Variants in AIFM3 observed in about 807,000 individuals in gnomAD.
AIFM3 encodes apoptosis-inducing factor 3.
A neutral mutation model predicts 82.7 loss-of-function variants in AIFM3; 71 were observed. The ratio of observed to expected loss-of-function variants is 0.86; its 90% confidence interval spans 0.71 to 1.05. AIFM3 has a LOEUF of 1.05. Among genes scored for constraint, AIFM3 ranks in the 50% least tolerant of loss-of-function variants. The probability of loss-of-function intolerance (pLI) is 0.00; values close to 1 mark genes in which losing one functional copy is unlikely to be tolerated. For missense variants in AIFM3, 748 were observed against 816.7 expected (o/e 0.92, Z 1.03); for synonymous variants, 337 against 329.1 (o/e 1.02, Z -0.26).
chr22:20,980,881 G>A (rs1924066452), intron 20 of AIFM3, 111 bp from the exon 21 acceptor site: 2 of 1,607,748 alleles, frequency 1.2e-6, no homozygotes, highest in Non-Finnish European at 1.7e-6. Flanking sequence ...GGGCACTAGG[G>A]TCTGGCACAG....
intron 19 of AIFM3, chr22:20,980,545 C>A (rs1404448202): frequency 3.0e-6 from 2 of 671,186 alleles, no homozygotes; most frequent in Non-Finnish European, 5.3e-6. Context: ...CCAGCCAGTT[C>A]CCTTATCCTG....
intron 4 of AIFM3, 66 bp from the exon 5 acceptor site, chr22:20,973,997 G>A (rs567610697): frequency 3.0e-5 from 45 of 1,520,690 alleles, no homozygotes; most frequent in Admixed American, 1.6e-4. Flanking sequence ...CGCAGTTGCC[G>A]GGGCACTGAG....
intron 2 of AIFM3, among the ~76,000 whole-genome samples, chr22:20,971,978 G>GC (rs1293691274): frequency 6.6e-6 from 1 of 150,890 alleles, no homozygotes; most frequent in Non-Finnish European, 1.5e-5. Context: ...GGGGGGGGGG[G>GC]CTGTGCCCCC....
At chr22:20,972,746 CTG>C (rs1923348561) in intron 2 of AIFM3, among the ~76,000 whole-genome samples, 1 of 152,118 alleles carries the variant, frequency 6.6e-6, no homozygotes, top group Non-Finnish European at 1.5e-5. Context: ...CTCACTAACA[CTG>C]TAATTGAAAA....
Position 20,981,121 on chromosome 22 carries a change from T to C in AIFM3, c.*90T>C, listed in dbSNP as rs190042788. ...CAGGTGCCAATCTCCAGTCCCAGGA[T>C]CCCCCAGGGCAGAACCTGAGCCCTC... On this transcript the variant is annotated 3_prime_UTR_variant, in exon 21 of 21. Coordinates refer to ENST00000440238, the MANE Select transcript of AIFM3 (RefSeq NM_001386814.1). 2.1e-3 allele frequency: 3,323 copies of C among 1,564,966 alleles called. 7 individuals are homozygous for C. Among genetic ancestry groups the C allele is most frequent in the Non-Finnish European group, 2.6e-3 (2,932 of 1,147,880 alleles).
rs557385894 is a variant in AIFM3 at position 20,967,780 on chromosome 22, C to A, written c.-140-25C>A. On this transcript the variant is annotated intron_variant, in intron 1 of 20. Transcript: ENST00000440238. ...CTCTACCTGCCCACACGCCCCGGTC[C>A]TGATGGCTCCAGTCTCCCCTGCAGG... is the stretch of plus-strand genomic sequence containing the variant. 266 of 699,012 alleles carry A rather than the reference C, an allele frequency of 3.8e-4. 2 individuals are homozygous for A. Among genetic ancestry groups the A allele is most frequent in the South Asian group, 1.1e-3 (65 of 61,436 alleles). The allele number at this position is 699,012 out of a possible 1,614,324, so 43.3% of individuals were successfully genotyped here.
chr22:20,977,577 C>T (rs1049122735), intron 14 of AIFM3, 123 bp from the exon 15 acceptor site: 12 of 1,251,708 alleles, frequency 9.6e-6, no homozygotes, highest in Non-Finnish European at 1.1e-5. Context: ...ATGAAGGCCT[C>T]AGGTAGACAG....
chr22:20,969,967 C>T (rs1923168423), intron 2 of AIFM3, among the ~76,000 whole-genome samples: 1 of 152,202 alleles, frequency 6.6e-6, no homozygotes, highest in African/African-American at 2.4e-5. Context: ...CCGTGTGCAT[C>T]AGCACCTGCT....
At chr22:20,972,718 A>G (rs1923347122) in intron 2 of AIFM3, among the ~76,000 whole-genome samples, 1 of 152,082 alleles carries the variant, frequency 6.6e-6, no homozygotes. Context: ...GGTCGAAGGA[A>G]CTCAGCTCTG....
At position 20,976,772 on chromosome 22, in the gene AIFM3, C is replaced by T. The variant is rs1347780739; in HGVS notation, c.1146+6C>T. On this transcript the variant is annotated splice_donor_region_variant and intron_variant, in intron 12 of 20. Transcript: ENST00000440238. ...TGGGTCGTGCCCTCATGAAGGTGAG[C>T]CCACCCCAGCACCCAGTGCCTTGGA... 6.2e-7 allele frequency: 1 copy of T among 1,611,196 alleles called. No individual in the cohort carries two copies.
chr22:20,977,169 A>C, intron 14 of AIFM3, 74 bp downstream of exon 14: 1 of 1,590,596 alleles, frequency 6.3e-7, no homozygotes, highest in Admixed American at 1.7e-5. Flanking sequence ...ACCTTGGGCT[A>C]GTCCCTTCCC....
chr22:20,973,082 A>C (rs377736269), intron 2 of AIFM3, among the ~76,000 whole-genome samples: 87 of 151,218 alleles, frequency 5.8e-4, no homozygotes, highest in African/African-American at 2.1e-3. Context: ...GCAGAAACGA[A>C]TTCAAGCAGA....
In AIFM3 at chr22:20,980,124, A is replaced by AGTGAGT; in HGVS notation, c.1757+4_1757+9dup. 6.2e-7 allele frequency: 1 copy of AGTGAGT among 1,606,410 alleles called. No individual in the cohort carries two copies. The highest frequency in any genetic ancestry group is 8.5e-7 in the Non-Finnish European group (1 of 1,179,904). On this transcript the variant is annotated stop_gained and inframe_insertion and splice_region_variant. Coordinates refer to ENST00000440238, the MANE Select transcript of AIFM3 (RefSeq NM_001386814.1). LOFTEE classifies it high-confidence loss of function. ...CGTGCCATCCGGAAGCGGGAGGTGGAGTGAGTGTGGGTGTGGGAAGCCTGG... is the reference window on the plus strand; with the variant it reads ...CGTGCCATCCGGAAGCGGGAGGTGGAGTGAGTGTGAGTGTGGGTGTGGGAAGCCTGG...
Position 20,976,521 on chromosome 22 carries a change from T to C in AIFM3, c.1013T>C (p.Val338Ala). The change falls in exon 11 of 21, where the codon GTG becomes GCG. Residue 338 changes from valine to alanine, a missense_variant. Val to Ala is a moderately conservative substitution (Grantham distance 64). Around this residue, in one of 5 missense-constraint regions of AIFM3, gnomAD observed 393 missense variants for 481.1 expected, o/e 0.82. Coordinates refer to ENST00000440238, the MANE Select transcript of AIFM3 (RefSeq NM_001386814.1). Reference sequence around the variant, plus strand: ...GCCCGAGGCCGCAACGTGGTCGTCGTGGGAGCCGGCTTCCTGGGTGAGAGG... The same window carrying C: ...GCCCGAGGCCGCAACGTGGTCGTCGCGGGAGCCGGCTTCCTGGGTGAGAGG... Reference protein sequence around the residue: ...RLARGRNVVVVGAGFLGMEVA... With the variant: ...RLARGRNVVVAGAGFLGMEVA... The C allele has an allele frequency of 6.2e-7, 1 of 1,613,514 alleles. No homozygotes were observed. Among genetic ancestry groups the C allele is most frequent in the Non-Finnish European group, 8.5e-7 (1 of 1,180,016 alleles).
chr22:20,980,503 ATGGTGGGGG>A lies in AIFM3; in HGVS notation c.1758-239_1758-231del. 4 of 609,374 alleles carry A rather than the reference ATGGTGGGGG, an allele frequency of 6.6e-6. 1 individual carries two copies. The South Asian group carries it at 7.7e-5, about 12-fold the overall frequency. 37.7% of individuals were successfully genotyped at this position (609,374 alleles called of 1,614,324 possible). A position where few individuals can be genotyped will look rare whatever the true frequency, so the allele number is the denominator to read the frequency against. ...TGCCCTGGGTATGCCCTCCACATAG[ATGGTGGGGG>A]TGGTTCTAGGTTTCACTCAACACCA... On this transcript the variant is annotated intron_variant, in intron 19 of 20. Transcript: ENST00000440238.
In AIFM3 at chr22:20,978,646, T is replaced by G. The variant is rs114608521; in HGVS notation, c.1478-625T>G. ...TTCTCTGCACCCATCTCCCCTTTCC[T>G]CTGCCTTTACACCTGAGGGTCTGCT... On this transcript the variant is annotated intron_variant, in intron 16 of 20. Transcript: ENST00000440238. Among the ~76,000 whole-genome samples, 433 of 152,098 alleles carry G rather than the reference T, an allele frequency of 2.8e-3. 1 individual carries two copies. The highest frequency in any genetic ancestry group is 0.01 in the African/African-American group (418 of 41,472).
At chr22:20,974,364 C>A in intron 6 of AIFM3, 68 bp downstream of exon 6, 1 of 1,590,276 alleles carries the variant, frequency 6.3e-7, no homozygotes, top group Non-Finnish European at 8.6e-7. Flanking sequence ...CAGAGAATGC[C>A]ATGTGCAAAG....
intron 1 of AIFM3, 165 bp from the exon 2 acceptor site, chr22:20,967,640 A>C (rs550170241): frequency 1.7e-4 from 83 of 489,922 alleles, no homozygotes; most frequent in African/African-American, 1.6e-3. Context: ...GAGGGCTTCA[A>C]AGGGGAGGTG....
chr22:20,971,966 T>G (rs1396597884), intron 2 of AIFM3, among the ~76,000 whole-genome samples: 86 of 139,072 alleles, frequency 6.2e-4, no homozygotes, highest in East Asian at 1.7e-3. Context: ...ATGGAGGCTG[T>G]GGGGGGGGGG....
Sources: gnomAD v4.1 joint callset for allele counts (sites outside exome capture counted in the v4.1 genomes callset) on GRCh38, gnomAD v4.1.1 for gene constraint, gnomAD v4.1.1 regional missense constraint, MANE v1.5 for transcripts, NCBI Gene and HGNC (gene_info 2026-07-23, HGNC 2026-07-21) for gene names.